The following TULP4 variants were observed in gnomAD, a reference collection of about 807,000 sequenced individuals.
TULP4 encodes the protein TUB like protein 4.
A neutral mutation model predicts 129.0 loss-of-function variants in TULP4; 16 were observed. The observed-to-expected ratio is 0.12, with a 90% confidence interval of 0.08 to 0.19. The LOEUF (loss-of-function observed/expected upper bound fraction) is 0.19. TULP4 is among the 10% of genes least tolerant of loss of function. TULP4 has a pLI of 1.00. For missense variants in TULP4, 1,842 were observed against 2,059.1 expected, an observed-to-expected ratio of 0.89 and a Z score of 2.04; for synonymous variants, 998 against 854.0, an observed-to-expected ratio of 1.17 and a Z score of -2.94.
chr6:158,312,069 C>A, upstream of TULP4: 1 of 396,192 alleles, frequency 2.5e-6, no homozygotes, highest in Non-Finnish European at 4.4e-6. Context: ...GACTCCAGGG[C>A]CTCCCAGCCG....
chr6:158,324,859 C>T (rs1169143261), intron 1 of TULP4, among the ~76,000 whole-genome samples: 2 of 152,070 alleles, frequency 1.3e-5, no homozygotes, highest in South Asian at 4.2e-4. Flanking sequence ...ATCTATAAGA[C>T]ACTGCTTCAA....
At chr6:158,381,157 G>GTTT (rs113020165) in intron 1 of TULP4, among the ~76,000 whole-genome samples, 11 of 147,766 alleles carry the variant, frequency 7.4e-5, no homozygotes, top group African/African-American at 1.2e-4. Flanking sequence ...GTGCTTTATG[G>GTTT]TTGTTTTTTT....
intron 1 of TULP4, chr6:158,238,485 G>A: frequency 2.7e-6 from 1 of 369,542 alleles, no homozygotes; most frequent in Non-Finnish European, 4.7e-6. Context: ...AGGGGGATTT[G>A]GCAGGGTCAT....
chr6:158,317,153 A>G (rs193061222), intron 1 of TULP4, among the ~76,000 whole-genome samples: 127 of 147,192 alleles, frequency 8.6e-4, no homozygotes, highest in African/African-American at 2.5e-3. Flanking sequence ...ACTGTTTTGC[A>G]TGATTTTTCC....
intron 2 of TULP4, among the ~76,000 whole-genome samples, chr6:158,425,629 A>T (rs1392223112): frequency 6.7e-6 from 1 of 148,402 alleles, no homozygotes; most frequent in Non-Finnish European, 1.5e-5. Flanking sequence ...TGTTTTTTTG[A>T]GACGGAGTCC....
At chr6:158,236,795 C>CTTTTTTTTTTTTTTTTTTTTTTTTTTT (rs71030149) in intron 1 of TULP4, among the ~76,000 whole-genome samples, 3 of 63,298 alleles carry the variant, frequency 4.7e-5, no homozygotes, top group East Asian at 3.2e-4. Context: ...CAATTCTTTT[C>CTTTTTTTTTTTTTTTTTTTTTTTTTTT]TTTTTTTTTT....
chr6:158,488,797 A>AG (rs1780127380), intron 8 of TULP4, among the ~76,000 whole-genome samples: 1 of 72,120 alleles, frequency 1.4e-5, no homozygotes, highest in Non-Finnish European at 2.9e-5. Flanking sequence ...GGGGCAGTGG[A>AG]GGGGGGTGTG....
At chr6:158,401,071 GTTGTTGTTGTTGTT>G (rs1562551108) in intron 1 of TULP4, among the ~76,000 whole-genome samples, 1 of 151,600 alleles carries the variant, frequency 6.6e-6, no homozygotes, top group Non-Finnish European at 1.5e-5. Context: ...TGTTGTTGTT[GTTGTTGTTGTTGTT>G]TTGTTGTTTT....
At chr6:158,365,713 C>T (rs1307183837) in intron 1 of TULP4, among the ~76,000 whole-genome samples, 9 of 151,004 alleles carry the variant, frequency 6.0e-5, no homozygotes, top group South Asian at 4.2e-4. Context: ...CCTTGTGATC[C>T]GCCCGCCTTG....
At chr6:158,349,858 C>G (rs1425298550) in intron 1 of TULP4, among the ~76,000 whole-genome samples, 1 of 136,818 alleles carries the variant, frequency 7.3e-6, no homozygotes, top group Non-Finnish European at 1.6e-5. Flanking sequence ...TCCTCACCTC[C>G]CAGACGGGGC....
At chr6:158,308,386 T>C (rs548168228), upstream of TULP4, among the ~76,000 whole-genome samples, 225 of 151,118 alleles carry the variant, frequency 1.5e-3, no homozygotes, top group East Asian at 2.5e-3. Context: ...AATGAAAAGT[T>C]TCCCATGTCT....
At position 158,461,660 on chromosome 6, in the gene TULP4, G is replaced by C. The variant is rs779071441; in HGVS notation, c.957G>C (p.Leu319=). The C allele has an allele frequency of 8.1e-6, 13 of 1,614,096 alleles. No individual in the cohort carries two copies. Reference sequence around the variant, plus strand: ...GTGAGCTTCCCAATGGTCCCCTTCTGAAGAGTGCCATGGTCAAGTTCTACA... The same window carrying C: ...GTGAGCTTCCCAATGGTCCCCTTCTCAAGAGTGCCATGGTCAAGTTCTACA... The part of the protein sequence containing the change: ...QLGELPNGPL[L]KSAMVKFYNV... Residue 319 remains leucine, a synonymous_variant, in exon 6 of 14, where the codon CTG becomes CTC. Coordinates refer to ENST00000367097, the MANE Select transcript of TULP4 (RefSeq NM_020245.5).
At chr6:158,308,969 G>A (rs1562513847), upstream of TULP4, among the ~76,000 whole-genome samples, 2 of 147,292 alleles carry the variant, frequency 1.4e-5, no homozygotes, top group Non-Finnish European at 3.0e-5. Flanking sequence ...CGGGGCGGCT[G>A]GCCGGGCAGG....
chr6:158,287,133 C>T (rs1171362806), intron 1 of TULP4, among the ~76,000 whole-genome samples: 1 of 152,128 alleles, frequency 6.6e-6, no homozygotes, highest in Non-Finnish European at 1.5e-5. Context: ...GGGATGTTTA[C>T]AGTGAAGAGG....
At chr6:158,427,471 C>CTTGTTTTTTT (rs1778524465) in intron 2 of TULP4, among the ~76,000 whole-genome samples, 1 of 74,124 alleles carries the variant, frequency 1.3e-5, no homozygotes, top group African/African-American at 6.2e-5. Flanking sequence ...ATTATCAGAC[C>CTTGTTTTTTT]TTTTTTTTTT....
At chr6:158,268,035 CTTTTTT>C (rs773811376) in intron 1 of TULP4, among the ~76,000 whole-genome samples, 2 of 72,770 alleles carry the variant, frequency 2.7e-5, no homozygotes, top group Non-Finnish European at 6.2e-5. Context: ...TTTCTTTTTT[CTTTTTT>C]TTTTTTTTTT....
chr6:158,337,220 A>C (rs1458042078), intron 1 of TULP4, among the ~76,000 whole-genome samples: 1 of 128,120 alleles, frequency 7.8e-6, no homozygotes, highest in African/African-American at 3.0e-5. Flanking sequence ...GCAGAGCATT[A>C]ATTTCCTGGG....
At chr6:158,332,148 G>C (rs532355726) in intron 1 of TULP4, among the ~76,000 whole-genome samples, 1 of 132,812 alleles carries the variant, frequency 7.5e-6, no homozygotes, top group African/African-American at 2.9e-5. Context: ...CTTCAGCCTG[G>C]TCGACAGAGT....
At chr6:158,427,014 C>G (rs755826630) in intron 2 of TULP4, among the ~76,000 whole-genome samples, 6 of 152,022 alleles carry the variant, frequency 3.9e-5, no homozygotes, top group Non-Finnish European at 8.8e-5. Context: ...TGATTTGGCT[C>G]TTGGTTTGGC....
Sources: allele counts gnomAD v4.1 joint callset (sites outside exome capture counted in the v4.1 genomes callset), GRCh38; gene constraint gnomAD v4.1.1; transcripts MANE v1.5; gene names NCBI Gene and HGNC (gene_info 2026-07-23, HGNC 2026-07-21).